NRCAM: variants seen among roughly 807,000 people sequenced by gnomAD.
NRCAM encodes the protein neuronal cell adhesion molecule.
A neutral mutation model predicts 156.5 loss-of-function variants in NRCAM; 83 were observed. The ratio of observed to expected loss-of-function variants is 0.53; its 90% CI spans 0.44 to 0.64. The LOEUF is 0.64. NRCAM is among the 30% of genes least tolerant of loss of function. The probability of loss-of-function intolerance (pLI) is 0.00; values close to 1 mark genes in which losing one functional copy is unlikely to be tolerated. For synonymous variants in NRCAM, 538 were observed against 563.9 expected (o/e 0.95, Z 0.65); for missense variants, 1,417 against 1,597.3 (o/e 0.89, Z 1.92).
At chr7:108,222,723 G>A (rs1359671686) in intron 11 of NRCAM, among the ~76,000 whole-genome samples, 2 of 152,156 alleles carry the variant, frequency 1.3e-5, no homozygotes. Context: ...ATTCAGGAAG[G>A]AATGTGAAAC....
intron 13 of NRCAM, among the ~76,000 whole-genome samples, chr7:108,203,385 GA>G (rs1473090628): frequency 6.6e-6 from 1 of 151,822 alleles, no homozygotes; most frequent in African/African-American, 2.4e-5. Context: ...GGGGATGGGG[GA>G]AGGGTAAAGC....
At chr7:108,268,309 C>T (rs941010427) in intron 3 of NRCAM, among the ~76,000 whole-genome samples, 1 of 152,072 alleles carries the variant, frequency 6.6e-6, no homozygotes, top group Non-Finnish European at 1.5e-5. Context: ...GTGGATGTTC[C>T]AAAACTGGGG....
At chr7:108,415,698 T>G (rs1171731419) in intron 1 of NRCAM, among the ~76,000 whole-genome samples, 2 of 152,098 alleles carry the variant, frequency 1.3e-5, no homozygotes. Flanking sequence ...CTGGCCAACA[T>G]GGCAAAACCC....
At chr7:108,391,432 T>G (rs1289682509) in intron 2 of NRCAM, among the ~76,000 whole-genome samples, 1 of 152,172 alleles carries the variant, frequency 6.6e-6, no homozygotes, top group African/African-American at 2.4e-5. Context: ...GCTTGGTAGA[T>G]CTTCCTCCAT....
At chr7:108,326,117 T>C (rs2099065983) in intron 2 of NRCAM, among the ~76,000 whole-genome samples, 1 of 152,212 alleles carries the variant, frequency 6.6e-6, no homozygotes, top group Non-Finnish European at 1.5e-5. Flanking sequence ...TAAATGTTAA[T>C]TTAAAAATAA....
intron 2 of NRCAM, among the ~76,000 whole-genome samples, chr7:108,353,450 G>A (rs2099441922): frequency 6.6e-6 from 1 of 151,858 alleles, no homozygotes; most frequent in African/African-American, 2.4e-5. Context: ...TCCTGGAGTA[G>A]TTAGAGCTAC....
intron 15 of NRCAM, 107 bp downstream of exon 15, chr7:108,195,654 G>A: frequency 4.5e-6 from 3 of 670,750 alleles, no homozygotes; most frequent in East Asian, 2.8e-5. Flanking sequence ...AATGGATTGT[G>A]TGGTGCCTTT....
intron 11 of NRCAM, among the ~76,000 whole-genome samples, chr7:108,222,209 A>G (rs1322601687): frequency 2.0e-5 from 3 of 152,196 alleles, no homozygotes; most frequent in Non-Finnish European, 2.9e-5. Flanking sequence ...GCATAGTTTC[A>G]TAGTTTGAAA....
At chr7:108,334,979 G>A (rs992939582) in intron 2 of NRCAM, among the ~76,000 whole-genome samples, 1 of 152,136 alleles carries the variant, frequency 6.6e-6, no homozygotes, top group African/African-American at 2.4e-5. Context: ...GGTAGCATTT[G>A]TTGAACCCTT....
intron 3 of NRCAM, among the ~76,000 whole-genome samples, chr7:108,272,926 T>A (rs1407510807): frequency 6.6e-6 from 1 of 152,010 alleles, no homozygotes; most frequent in East Asian, 1.9e-4. Context: ...GGCCCTGGTG[T>A]GTGATATTCC....
At chr7:108,435,954 A>C (rs1245468306) in intron 1 of NRCAM, among the ~76,000 whole-genome samples, 1 of 152,172 alleles carries the variant, frequency 6.6e-6, no homozygotes, top group East Asian at 1.9e-4. Flanking sequence ...AACAAGGTAA[A>C]ACCCCGTTTC....
In NRCAM at chr7:108,355,943, ATT is replaced by A. The variant is rs35999220; in HGVS notation, c.-173-43214_-173-43213del. 2.2e-3 allele frequency among the ~76,000 whole-genome samples: 318 copies of A among 145,122 alleles called. 2 individuals carry two copies. The highest frequency in any genetic ancestry group is 4.4e-3 in the African/African-American group (176 of 39,608). On this transcript the variant is annotated intron_variant, in intron 2 of 32. Transcript: ENST00000379028. ...GAATACAGTAATACAGTACAGTAAG[ATT>A]TTTTTTTTTTTTTTGAGATGGAGTC...
chr7:108,309,513 A>C (rs560564514), intron 3 of NRCAM, among the ~76,000 whole-genome samples: 20 of 152,278 alleles, frequency 1.3e-4, no homozygotes, highest in Non-Finnish European at 2.5e-4. Flanking sequence ...ACTCAGCCTT[A>C]AAATGATCCT....
At chr7:108,356,723 T>C (rs1041654259) in intron 2 of NRCAM, among the ~76,000 whole-genome samples, 1 of 152,172 alleles carries the variant, frequency 6.6e-6, no homozygotes, top group African/African-American at 2.4e-5. Context: ...TAGAACTCCA[T>C]AGAGGTTGAC....
At chr7:108,252,965 C>T (rs76234826) in intron 3 of NRCAM, among the ~76,000 whole-genome samples, 6,159 of 152,330 alleles carry the variant, frequency 0.04, 165 homozygotes, top group Middle Eastern at 0.079. Flanking sequence ...GGCTACTCTG[C>T]AGAGGCAGGA....
intron 2 of NRCAM, among the ~76,000 whole-genome samples, chr7:108,351,354 A>G (rs1388214475): frequency 2.6e-5 from 4 of 152,202 alleles, no homozygotes; most frequent in Non-Finnish European, 5.9e-5. Flanking sequence ...TAGCAACACA[A>G]AATGGTCTAA....
chr7:108,248,355 T>C (rs116944150), intron 3 of NRCAM, among the ~76,000 whole-genome samples: 2,212 of 152,210 alleles, frequency 0.015, 31 homozygotes, highest in Non-Finnish European at 0.02. Flanking sequence ...CTATGCTTGC[T>C]GAATGGTATG....
intron 3 of NRCAM, among the ~76,000 whole-genome samples, chr7:108,255,630 G>C (rs113157333): frequency 6.9e-6 from 1 of 145,442 alleles, no homozygotes; most frequent in Non-Finnish European, 1.5e-5. Flanking sequence ...GCTGCCCATC[G>C]TCTGGGATGT....
rs181300951 is a variant in NRCAM at position 108,238,629 on chromosome 7, G to T, written c.107-860C>A. On this transcript the variant is annotated intron_variant, in intron 4 of 32. Transcript: ENST00000379028. ...GACAGATTGAACAGTCAGATTAAGG[G>T]GGAATATATTTAATATAAGAGAGAA... is the stretch of plus-strand genomic sequence containing the variant. Among the ~76,000 whole-genome samples, 570 of 152,052 alleles carry T rather than the reference G, an allele frequency of 3.7e-3. 2 individuals are homozygous for T. Among genetic ancestry groups the T allele is most frequent in the African/African-American group, 0.013 (542 of 41,464 alleles).
Sources: allele counts gnomAD v4.1 joint callset (sites outside exome capture counted in the v4.1 genomes callset), GRCh38; gene constraint gnomAD v4.1.1; transcripts MANE v1.5; gene names NCBI Gene and HGNC (gene_info 2026-07-23, HGNC 2026-07-21).